CTNNA2: variants seen among roughly 807,000 people sequenced by gnomAD.
The protein encoded by CTNNA2 is catenin alpha 2, also known as catenin alpha-2.
Under a neutral mutation model 101.0 loss-of-function variants are expected in CTNNA2, and 42 were observed. That is an observed-to-expected ratio of 0.42 (90% CI 0.32 to 0.54). The LOEUF is 0.54. CTNNA2 is among the 20% of genes least tolerant of loss of function. CTNNA2 has a pLI of 0.14. For missense variants in CTNNA2, 871 were observed against 1,223.1 expected (o/e 0.71, Z 4.29); for synonymous variants, 450 against 456.4 (o/e 0.99, Z 0.18).
At chr2:80,562,067 CTT>C (rs1420178344) in intron 12 of CTNNA2, among the ~76,000 whole-genome samples, 1 of 146,760 alleles carries the variant, frequency 6.8e-6, no homozygotes, top group Non-Finnish European at 1.5e-5. Context: ...TTTTATCCCT[CTT>C]TTGAAATGTA....
intron 16 of CTNNA2, among the ~76,000 whole-genome samples, chr2:80,606,270 G>A (rs1344959639): frequency 6.6e-6 from 1 of 151,500 alleles, no homozygotes; most frequent in Non-Finnish European, 1.5e-5. Flanking sequence ...AGTTTTGGTT[G>A]TGACTTTTGT....
chr2:79,533,553 TTAAA>T (rs1335845535), intron 1 of CTNNA2, among the ~76,000 whole-genome samples: 1 of 152,086 alleles, frequency 6.6e-6, no homozygotes, highest in African/African-American at 2.4e-5. Context: ...CTAGAGTATA[TTAAA>T]TAATATACAA....
intron 3 of CTNNA2, among the ~76,000 whole-genome samples, chr2:79,797,261 T>C (rs1276112054): frequency 2.0e-5 from 3 of 152,106 alleles, no homozygotes; most frequent in Non-Finnish European, 2.9e-5. Flanking sequence ...TAATGGAAGA[T>C]ATGGAGATCA....
At chr2:79,698,279 C>T (rs1294782370) in intron 2 of CTNNA2, among the ~76,000 whole-genome samples, 1 of 151,982 alleles carries the variant, frequency 6.6e-6, no homozygotes, top group African/African-American at 2.4e-5. Flanking sequence ...TGTTTGGATG[C>T]AGTTCATGTC....
At chr2:80,342,592 A>G (rs979317353) in intron 7 of CTNNA2, among the ~76,000 whole-genome samples, 13 of 152,334 alleles carry the variant, frequency 8.5e-5, no homozygotes, top group African/African-American at 3.1e-4. Flanking sequence ...TTCCAGGCAA[A>G]TAAAATGTTT....
intron 13 of CTNNA2, among the ~76,000 whole-genome samples, chr2:80,577,333 G>A (rs1295407316): frequency 6.6e-6 from 1 of 152,082 alleles, no homozygotes; most frequent in Non-Finnish European, 1.5e-5. Flanking sequence ...ATGAAAGGAG[G>A]TACCTGGGTG....
chr2:79,793,090 C>T (rs1253432348), intron 3 of CTNNA2, among the ~76,000 whole-genome samples: 1 of 151,936 alleles, frequency 6.6e-6, no homozygotes, highest in East Asian at 1.9e-4. Flanking sequence ...AGAATATGGG[C>T]CTAAGTGGAA....
intron 1 of CTNNA2, among the ~76,000 whole-genome samples, chr2:79,562,243 T>G (rs961329173): frequency 1.3e-5 from 2 of 152,098 alleles, no homozygotes; most frequent in Non-Finnish European, 2.9e-5. Flanking sequence ...TGGGGAATCT[T>G]AATTCTATTC....
intron 4 of CTNNA2, among the ~76,000 whole-genome samples, chr2:79,463,930 A>G (rs1047061081): frequency 2.0e-5 from 3 of 152,184 alleles, no homozygotes; most frequent in Non-Finnish European, 1.5e-5. Flanking sequence ...GTAAAGATAG[A>G]TAGAACTTGG....
chr2:79,545,299 C>G (rs942594892), intron 1 of CTNNA2, among the ~76,000 whole-genome samples: 2 of 152,188 alleles, frequency 1.3e-5, no homozygotes, highest in African/African-American at 4.8e-5. Flanking sequence ...TTCACTTCTC[C>G]TTCCCCACTC....
chr2:80,302,185 C>A lies in CTNNA2; in HGVS notation c.1057-91026C>A. The A allele has an allele frequency of 1.9e-6, 3 of 1,555,366 alleles. No individual in the cohort carries two copies. Among genetic ancestry groups the A allele is most frequent in the Non-Finnish European group, 2.6e-6 (3 of 1,150,612 alleles). On this transcript the variant is annotated intron_variant, in intron 7 of 18. Coordinates refer to ENST00000402739, the MANE Select transcript of CTNNA2 (RefSeq NM_001282597.3). This position sits in a 1 kb window ranked among gnomAD's most constrained non-coding sequence, Gnocchi z 6.4. ...CAGACAAGGAGACCCCAGCCTGGTG[C>A]CCGCCGGCCCGTCCCGGCTGCCCAG... is the stretch of plus-strand genomic sequence containing the variant.
intron 1 of CTNNA2, among the ~76,000 whole-genome samples, chr2:79,544,230 G>A (rs975164259): frequency 1.3e-5 from 2 of 152,162 alleles, no homozygotes; most frequent in African/African-American, 2.4e-5. Context: ...GAGCCACCGC[G>A]CCCAGCTGGT....
chr2:80,217,243 C>T (rs1413404764), intron 7 of CTNNA2, among the ~76,000 whole-genome samples: 1 of 152,054 alleles, frequency 6.6e-6, no homozygotes, highest in Non-Finnish European at 1.5e-5. Context: ...TATTGCTAAG[C>T]AGGCAAAGCT....
intron 7 of CTNNA2, among the ~76,000 whole-genome samples, chr2:79,981,280 A>C (rs1691249916): frequency 6.6e-6 from 1 of 152,160 alleles, no homozygotes; most frequent in Non-Finnish European, 1.5e-5. Flanking sequence ...AGATAAAATA[A>C]AATGTCCATA....
intron 8 of CTNNA2, among the ~76,000 whole-genome samples, chr2:80,399,888 A>T (rs762068992): frequency 3.3e-5 from 5 of 152,228 alleles, no homozygotes; most frequent in Non-Finnish European, 7.3e-5. Context: ...TGACTGAAAT[A>T]ACAAAGATTG....
At chr2:80,390,853 C>T (rs1038674240) in intron 7 of CTNNA2, among the ~76,000 whole-genome samples, 7 of 152,082 alleles carry the variant, frequency 4.6e-5, no homozygotes, top group South Asian at 2.1e-4. Flanking sequence ...TACATTAGGT[C>T]GGGCGTGGTG....
At position 80,185,277 on chromosome 2, in the gene CTNNA2, C is replaced by G. The variant is rs150102873; in HGVS notation, c.1057-207934C>G. Among the ~76,000 whole-genome samples, 32 of 152,282 alleles carry G rather than the reference C, an allele frequency of 2.1e-4. No homozygotes were observed. The East Asian group carries it at 5.6e-3, about 27-fold the overall frequency. On this transcript the variant is annotated intron_variant, in intron 7 of 18. Transcript: ENST00000402739. The stretch of plus-strand genomic sequence containing the variant: ...GGCTGCTCTGTAGGTCAGCTCGCAA[C>G]ATGGTATATAGCTTCATCAGACTGA...
chr2:80,195,515 A>T (rs1706771392), intron 7 of CTNNA2, among the ~76,000 whole-genome samples: 1 of 152,070 alleles, frequency 6.6e-6, no homozygotes, highest in Admixed American at 6.6e-5. Context: ...TCCTCACTCC[A>T]ATCTTAATCC....
intron 7 of CTNNA2, among the ~76,000 whole-genome samples, chr2:80,180,985 T>C (rs1195329387): frequency 2.0e-5 from 3 of 152,222 alleles, no homozygotes; most frequent in African/African-American, 7.2e-5. Flanking sequence ...TTTATGTTCC[T>C]TCCATCATTA....
Sources: allele counts gnomAD v4.1 joint callset (sites outside exome capture counted in the v4.1 genomes callset), GRCh38; gene constraint gnomAD v4.1.1; non-coding constraint Gnocchi (gnomAD v3.1); transcripts MANE v1.5; gene names NCBI Gene and HGNC (gene_info 2026-07-23, HGNC 2026-07-21).